The following TDRD1 variants were observed in gnomAD, a reference collection of about 807,000 sequenced individuals.
TDRD1 encodes tudor domain containing 1, also known as tudor domain-containing protein 1.
In TDRD1, 37 loss-of-function variants were observed where a neutral mutation model predicts 140.6. That is an observed-to-expected ratio of 0.26 (90% CI 0.20 to 0.35). The LOEUF is 0.35. Among genes scored for constraint, TDRD1 ranks in the 10% least tolerant of loss-of-function variants. The pLI is 1.00. For synonymous variants in TDRD1, 506 were observed against 475.7 expected (o/e 1.06, Z -0.83); for missense variants, 1,243 against 1,393.0 (o/e 0.89, Z 1.71).
At chr10:114,206,945 T>TA (rs11422301) in intron 11 of TDRD1, among the ~76,000 whole-genome samples, 34,347 of 152,090 alleles carry the variant, frequency 0.23, 4,004 homozygotes, top group Middle Eastern at 0.28. Flanking sequence ...CACATTTTCT[T>TA]AGTTTGTTTT....
rs149299763 is a variant in TDRD1, at chr10:114,187,831, G to A, written c.-1G>A. On this transcript the variant is annotated 5_prime_UTR_variant, in exon 2 of 26. Coordinates refer to ENST00000251864, the Ensembl canonical transcript of TDRD1. ...AAATACATTTCTCTCCTTAGGCCTC[G>A]ATGAGTGTTAAATCGCCATTTAATG... The A allele has an allele frequency of 4.0e-4, 634 of 1,569,088 alleles. 2 individuals carry two copies. The highest frequency in any genetic ancestry group is 1.2e-3 in the Middle Eastern group (7 of 5,708).
At chr10:114,207,310 T>C (rs553238090) in intron 11 of TDRD1, among the ~76,000 whole-genome samples, 1 of 152,316 alleles carries the variant, frequency 6.6e-6, no homozygotes, top group African/African-American at 2.4e-5. Flanking sequence ...ATCTACCTTC[T>C]TACCTCCCAT....
intron 1 of TDRD1, among the ~76,000 whole-genome samples, chr10:114,183,021 A>G (rs1402553776): frequency 1.3e-5 from 2 of 152,202 alleles, no homozygotes; most frequent in Admixed American, 1.3e-4. Flanking sequence ...AGTTCTATAA[A>G]GCACCATGGT....
At chr10:114,195,547 CATA>C (rs1448632225) in intron 3 of TDRD1, among the ~76,000 whole-genome samples, 6 of 152,166 alleles carry the variant, frequency 3.9e-5, no homozygotes. Context: ...CTTTTGTCAT[CATA>C]ATGTCCCTCT....
exon 7 of TDRD1, chr10:114,203,082 C>T (rs368162312): frequency 7.4e-6 from 12 of 1,611,912 alleles, no homozygotes; most frequent in South Asian, 1.1e-5. Flanking sequence ...AGTGACTGTC[C>T]ACTTGGAGTT....
intron 3 of TDRD1, among the ~76,000 whole-genome samples, chr10:114,192,687 G>C (rs764654648): frequency 2.4e-4 from 36 of 152,082 alleles, no homozygotes; most frequent in Admixed American, 6.5e-5. Context: ...ATATTCAATT[G>C]CTCCAGTGCC....
chr10:114,208,035 C>G (rs568434746), intron 11 of TDRD1, among the ~76,000 whole-genome samples: 1 of 152,126 alleles, frequency 6.6e-6, no homozygotes, highest in Admixed American at 6.5e-5. Flanking sequence ...AGGAAATAAC[C>G]AGGTGCTGCC....
intron 16 of TDRD1, among the ~76,000 whole-genome samples, chr10:114,216,413 C>A (rs554798627): frequency 4.8e-4 from 73 of 152,174 alleles, no homozygotes; most frequent in African/African-American, 1.7e-3. Flanking sequence ...TTGTTTGAGC[C>A]ATTCTGATGA....
In TDRD1 at chr10:114,213,733, T is replaced by C. The variant is rs539796201; in HGVS notation, c.2074+145T>C. 2.5e-4 allele frequency: 217 copies of C among 879,028 alleles called. 1 individual carries two copies. The highest frequency in any genetic ancestry group is 3.3e-4 in the Non-Finnish European group (195 of 585,026). The allele number at this position is 879,028 out of a possible 1,614,324, so 54.5% of individuals were successfully genotyped here. On this transcript the variant is annotated intron_variant, in intron 15 of 25. Coordinates refer to ENST00000251864, the Ensembl canonical transcript of TDRD1. ...GCATTCATCTAAATACTTGTAAGAA[T>C]GTTTGAAAAATAAAATTTTATGGGG...
intron 18 of TDRD1, 24 bp downstream of exon 18, chr10:114,218,608 T>C: frequency 1.3e-6 from 2 of 1,517,122 alleles, no homozygotes; most frequent in Non-Finnish European, 1.8e-6. Context: ...TAAGAAACTT[T>C]CTCAACTTTC....
chr10:114,187,865 A>G, exon 2 of TDRD1: 1 of 1,601,932 alleles, frequency 6.2e-7, no homozygotes, highest in African/African-American at 1.4e-5. Context: ...TGTGATGTCA[A>G]GAAATAATTT....
intron 3 of TDRD1, among the ~76,000 whole-genome samples, chr10:114,197,500 C>A (rs575969135): frequency 6.6e-6 from 1 of 151,348 alleles, no homozygotes; most frequent in South Asian, 2.1e-4. Context: ...TTGATGACTG[C>A]TTTACAATCT....
At chr10:114,213,801 T>A (rs529139357) in intron 15 of TDRD1, among the ~76,000 whole-genome samples, 176 bp from the exon 16 acceptor site, 1 of 152,316 alleles carries the variant, frequency 6.6e-6, no homozygotes, top group East Asian at 1.9e-4. Context: ...AAATGTAAAT[T>A]TGAAATTTAC....
At chr10:114,186,806 A>T (rs2033570803) in intron 1 of TDRD1, among the ~76,000 whole-genome samples, 2 of 152,156 alleles carry the variant, frequency 1.3e-5, no homozygotes, top group South Asian at 4.1e-4. Flanking sequence ...TTATTTCATT[A>T]TCTTGTCTGT....
intron 13 of TDRD1, among the ~76,000 whole-genome samples, chr10:114,211,380 C>A (rs1274459431): frequency 6.6e-6 from 1 of 152,182 alleles, no homozygotes; most frequent in African/African-American, 2.4e-5. Flanking sequence ...TTGGACGGCA[C>A]AAGTCCTGCC....
At chr10:114,229,210 C>A (rs573870685) in intron 25 of TDRD1, among the ~76,000 whole-genome samples, 3 of 152,280 alleles carry the variant, frequency 2.0e-5, no homozygotes, top group African/African-American at 7.2e-5. Context: ...TTAATATGTG[C>A]ACTTTTGTTG....
intron 16 of TDRD1, among the ~76,000 whole-genome samples, chr10:114,216,936 C>G (rs115766148): frequency 0.01 from 1,558 of 152,348 alleles, 29 homozygotes; most frequent in African/African-American, 0.036. Flanking sequence ...CATTCAGAAG[C>G]TCTCCATGGT....
At chr10:114,187,278 G>T (rs1424751570) in intron 1 of TDRD1, among the ~76,000 whole-genome samples, 1 of 152,180 alleles carries the variant, frequency 6.6e-6, no homozygotes, top group Non-Finnish European at 1.5e-5. Context: ...TGGCAAAACA[G>T]GAGGGAAGAG....
At chr10:114,217,925 TGTTCAC>T (rs924763228) in intron 17 of TDRD1, among the ~76,000 whole-genome samples, 1 of 152,220 alleles carries the variant, frequency 6.6e-6, no homozygotes, top group Non-Finnish European at 1.5e-5. Context: ...ATGGAAGCGC[TGTTCAC>T]AGCAGGTTCA....
Sources: allele counts gnomAD v4.1 joint callset (sites outside exome capture counted in the v4.1 genomes callset), GRCh38; gene constraint gnomAD v4.1.1; transcripts MANE v1.5; gene names NCBI Gene and HGNC (gene_info 2026-07-23, HGNC 2026-07-21).